The following MYO3A variants were observed in gnomAD, a reference collection of about 807,000 sequenced individuals.
MYO3A encodes myosin-IIIa.
In MYO3A, 180 loss-of-function variants were observed where a neutral mutation model predicts 192.7. The ratio of observed to expected loss-of-function variants is 0.93; its 90% confidence interval spans 0.83 to 1.06. MYO3A has a LOEUF of 1.06. MYO3A is among the 50% of genes least tolerant of loss of function. MYO3A has a pLI of 0.00. For missense variants in MYO3A, 1,896 were observed against 1,905.0 expected, an observed-to-expected ratio of 1.00 and a Z score of 0.09; for synonymous variants, 628 against 645.3, an observed-to-expected ratio of 0.97 and a Z score of 0.41.
At chr10:26,169,333 C>A (rs1237105216) in intron 28 of MYO3A, among the ~76,000 whole-genome samples, 2 of 152,094 alleles carry the variant, frequency 1.3e-5, no homozygotes, top group South Asian at 2.1e-4. Context: ...ACTTCACATA[C>A]TTTTATTAAG....
chr10:25,958,141 T>C (rs1378952058), intron 4 of MYO3A, among the ~76,000 whole-genome samples: 2 of 152,216 alleles, frequency 1.3e-5, no homozygotes, highest in Non-Finnish European at 2.9e-5. Flanking sequence ...TTTTGGAGTC[T>C]TCATCATGAA....
At chr10:26,098,380 G>C (rs747845824) in intron 17 of MYO3A, among the ~76,000 whole-genome samples, 1 of 152,102 alleles carries the variant, frequency 6.6e-6, no homozygotes, top group Non-Finnish European at 1.5e-5. Flanking sequence ...CACTCTGATG[G>C]TGTTTCTTTT....
At chr10:26,089,061 G>T (rs1420902075) in intron 15 of MYO3A, among the ~76,000 whole-genome samples, 1 of 152,166 alleles carries the variant, frequency 6.6e-6, no homozygotes, top group Non-Finnish European at 1.5e-5. Context: ...TTGCTTAAAA[G>T]CATGGCAAGT....
At chr10:26,149,528 C>G (rs1266059477) in intron 23 of MYO3A, among the ~76,000 whole-genome samples, 2 of 152,136 alleles carry the variant, frequency 1.3e-5, no homozygotes, top group African/African-American at 4.8e-5. Context: ...AGCCACCACG[C>G]CTGGCCAATT....
intron 14 of MYO3A, 142 bp from the exon 15 acceptor site, chr10:26,088,061 G>T: frequency 1.5e-6 from 1 of 670,540 alleles, no homozygotes. Flanking sequence ...AAATAGACCA[G>T]GATGTAACAT....
intron 17 of MYO3A, among the ~76,000 whole-genome samples, chr10:26,097,777 A>G (rs931854237): frequency 1.3e-5 from 2 of 152,130 alleles, no homozygotes; most frequent in African/African-American, 4.8e-5. Context: ...TTCTTAATCC[A>G]GTCTATCATT....
At chr10:26,083,777 T>C (rs1339436415) in intron 14 of MYO3A, among the ~76,000 whole-genome samples, 1 of 152,200 alleles carries the variant, frequency 6.6e-6, no homozygotes, top group East Asian at 1.9e-4. Context: ...TTGAAAAATA[T>C]TAAAAAATGT....
intron 15 of MYO3A, among the ~76,000 whole-genome samples, chr10:26,093,270 A>G (rs1205740633): frequency 6.6e-6 from 1 of 152,234 alleles, no homozygotes; most frequent in African/African-American, 2.4e-5. Context: ...TAACTGATAC[A>G]ATGTACATGA....
chr10:25,986,844 C>T (rs2130830368), intron 4 of MYO3A, among the ~76,000 whole-genome samples: 1 of 152,098 alleles, frequency 6.6e-6, no homozygotes, highest in South Asian at 2.1e-4. Flanking sequence ...TCATTCTTCA[C>T]AGAACTAGAA....
intron 21 of MYO3A, among the ~76,000 whole-genome samples, 163 bp from the exon 22 acceptor site, chr10:26,145,283 G>C (rs1329597853): frequency 1.3e-5 from 2 of 151,624 alleles, no homozygotes; most frequent in Non-Finnish European, 2.9e-5. Flanking sequence ...ATGATCTTGA[G>C]TTTTACTTTA....
chr10:25,966,245 G>A (rs540458219), intron 4 of MYO3A, among the ~76,000 whole-genome samples: 20 of 152,164 alleles, frequency 1.3e-4, no homozygotes, highest in Middle Eastern at 3.4e-3. Flanking sequence ...ATTTTATTAC[G>A]TGTGTGCGTA....
At chr10:26,124,763 C>G (rs1373419552) in intron 18 of MYO3A, among the ~76,000 whole-genome samples, 1 of 151,940 alleles carries the variant, frequency 6.6e-6, no homozygotes, top group Admixed American at 6.6e-5. Flanking sequence ...TTTTAAATTC[C>G]CCATGAAATG....
chr10:25,981,655 T>C (rs1406282681), intron 4 of MYO3A, among the ~76,000 whole-genome samples: 2 of 152,180 alleles, frequency 1.3e-5, no homozygotes. Context: ...ATTATATGGA[T>C]GGCAAATAAG....
At chr10:26,171,026 G>A (rs1842021858) in intron 29 of MYO3A, among the ~76,000 whole-genome samples, 1 of 152,148 alleles carries the variant, frequency 6.6e-6, no homozygotes, top group South Asian at 2.1e-4. Context: ...ACACAGATAC[G>A]TGAAGCAAAA....
In MYO3A at chr10:26,193,242, C is replaced by T. The variant is rs56269303; in HGVS notation, c.4476C>T (p.Pro1492=). The T allele has an allele frequency of 6.2e-7, 1 of 1,613,792 alleles. No homozygotes were observed. Among genetic ancestry groups the T allele is most frequent in the Admixed American group, 1.7e-5 (1 of 59,972 alleles). The change falls in exon 32 of 35, where the codon CCC becomes CCT. Residue 1492 remains proline (P), a synonymous_variant. Transcript: ENST00000642920. ...GAGAGGAGCCAAAAATATTGAGACCCCCAAGACGACCCCGGAAACCCAAAA... is the reference window on the plus strand; with the variant it reads ...GAGAGGAGCCAAAAATATTGAGACCTCCAAGACGACCCCGGAAACCCAAAA... ...CKGEEPKILR[P]PRRPRKPKTL...
chr10:26,053,525 T>C (rs1844130240), intron 10 of MYO3A, among the ~76,000 whole-genome samples: 1 of 152,136 alleles, frequency 6.6e-6, no homozygotes, highest in African/African-American at 2.4e-5. Context: ...TGGTGATGCA[T>C]GCTAAAGAAA....
At chr10:26,076,908 T>C (rs1028005141) in intron 14 of MYO3A, among the ~76,000 whole-genome samples, 4 of 152,198 alleles carry the variant, frequency 2.6e-5, no homozygotes, top group Non-Finnish European at 5.9e-5. Context: ...CCTTATACTG[T>C]AGTTTGAAAT....
chr10:26,178,495 G>A (rs1842441161), intron 31 of MYO3A, among the ~76,000 whole-genome samples: 1 of 151,472 alleles, frequency 6.6e-6, no homozygotes, highest in African/African-American at 2.4e-5. Context: ...GGAAGTTGCA[G>A]TGAGCCGAAA....
intron 20 of MYO3A, among the ~76,000 whole-genome samples, chr10:26,139,138 C>G (rs1840010615): frequency 6.6e-6 from 1 of 152,156 alleles, no homozygotes; most frequent in Admixed American, 6.5e-5. Flanking sequence ...AAGCATGTAT[C>G]TACTTTATTT....
Sources: allele counts gnomAD v4.1 joint callset (sites outside exome capture counted in the v4.1 genomes callset), GRCh38; gene constraint gnomAD v4.1.1; transcripts MANE v1.5; gene names NCBI Gene and HGNC (gene_info 2026-07-23, HGNC 2026-07-21).